The following CDC25A variants were observed in gnomAD, a reference collection of about 807,000 sequenced individuals.
The protein encoded by CDC25A is M-phase inducer phosphatase 1.
In CDC25A, 17 loss-of-function variants were observed where a neutral mutation model predicts 64.6. The ratio of observed to expected loss-of-function variants is 0.26; its 90% confidence interval spans 0.18 to 0.39. The LOEUF (loss-of-function observed/expected upper bound fraction) is 0.39. CDC25A is among the 10% of genes least tolerant of loss of function. The probability of loss-of-function intolerance (pLI) is 1.00; values close to 1 mark genes in which losing one functional copy is unlikely to be tolerated. For synonymous variants in CDC25A, 229 were observed against 238.6 expected, an observed-to-expected ratio of 0.96 and a Z score of 0.37; for missense variants, 473 against 654.8, an observed-to-expected ratio of 0.72 and a Z score of 3.03.
intron 6 of CDC25A, among the ~76,000 whole-genome samples, chr3:48,179,076 T>C (rs897766466): frequency 2.0e-5 from 3 of 152,208 alleles, no homozygotes; most frequent in Non-Finnish European, 4.4e-5. Context: ...TCTCTGCAGC[T>C]GGCCTATTCT....
At chr3:48,166,021 A>C (rs988831264) in intron 10 of CDC25A, 128 bp from the exon 11 acceptor site, 1 of 692,598 alleles carries the variant, frequency 1.4e-6, no homozygotes, top group Non-Finnish European at 2.5e-6. Flanking sequence ...ACGGTGGCTC[A>C]CACCTGTAAT....
intron 8 of CDC25A, among the ~76,000 whole-genome samples, chr3:48,176,517 ATGTGTGTG>A: frequency 9.0e-6 from 1 of 110,536 alleles, no homozygotes; most frequent in African/African-American, 3.4e-5. Context: ...TATACTGTGT[ATGTGTGTG>A]TGTGAGTATA....
At chr3:48,175,440 C>T (rs534569572) in intron 8 of CDC25A, among the ~76,000 whole-genome samples, 51 of 152,344 alleles carry the variant, frequency 3.3e-4, no homozygotes, top group Admixed American at 2.0e-3. Context: ...TCCTTCTGCA[C>T]AGAATGTCCT....
chr3:48,174,331 A>C lies in CDC25A; in HGVS notation c.883T>G (p.Ser295Ala). The C allele has an allele frequency of 6.2e-7, 1 of 1,614,224 alleles. No individual in the cohort carries two copies. Among genetic ancestry groups the C allele is most frequent in the Non-Finnish European group, 8.5e-7 (1 of 1,180,024 alleles). The change falls in exon 9 of 15, where the codon TCT becomes GCT. Residue 295 changes from serine to alanine, a missense_variant. Physicochemically the swap from Ser to Ala is moderately conservative, Grantham distance 99. Transcript: ENST00000302506. ...PGSTKRRKSM[S>A]GASPKESTNP... is the part of the protein sequence containing the mutation. ...GTTGACTCTTTGGGGCTGGCCCCAG[A>C]CATGCTCTTCCTCCTCTTTGTACTT...
rs75863657 is a variant in CDC25A, at chr3:48,170,733, T to A, written c.931-2789A>T. 2.5e-3 allele frequency among the ~76,000 whole-genome samples: 382 copies of A among 152,348 alleles called. 1 individual carries two copies. Among genetic ancestry groups the A allele is most frequent in the African/African-American group, 8.5e-3 (353 of 41,582 alleles). ...GGCTGAAAGTTCCAACCTCTAATCA[T>A]GTCTCTGTCTTTCCAGTGACCAGTC... On this transcript the variant is annotated intron_variant, in intron 9 of 14. Coordinates refer to ENST00000302506, the MANE Select transcript of CDC25A (RefSeq NM_001789.3).
chr3:48,174,541 T>C (rs2032388360), intron 8 of CDC25A, 84 bp from the exon 9 acceptor site: 6 of 1,337,896 alleles, frequency 4.5e-6, no homozygotes, highest in African/African-American at 1.5e-5. Flanking sequence ...GAAGGTTTCC[T>C]GGGATGATCT....
chr3:48,183,925 T>TG, intron 3 of CDC25A, 89 bp from the exon 4 acceptor site: 1 of 780,944 alleles, frequency 1.3e-6, no homozygotes, highest in East Asian at 2.6e-5. Context: ...GCCTGTAGCT[T>TG]GGGGGTACAG....
chr3:48,164,271 C>G, intron 13 of CDC25A, 36 bp downstream of exon 13: 1 of 1,472,808 alleles, frequency 6.8e-7, no homozygotes, highest in Non-Finnish European at 9.0e-7. Flanking sequence ...CATCATGGAG[C>G]CTGTGCCCCA....
intron 13 of CDC25A, among the ~76,000 whole-genome samples, chr3:48,163,140 G>A (rs1179019962): frequency 2.6e-5 from 4 of 151,022 alleles, no homozygotes; most frequent in African/African-American, 7.3e-5. Flanking sequence ...AAAATTAGCC[G>A]GGTGTGGTGG....
intron 9 of CDC25A, among the ~76,000 whole-genome samples, chr3:48,170,089 C>CAA (rs1309523136): frequency 6.6e-6 from 1 of 152,012 alleles, no homozygotes; most frequent in Admixed American, 6.6e-5. Flanking sequence ...CCCACAAACT[C>CAA]AAAGTGATTT....
rs776004127 is a variant in CDC25A, at chr3:48,167,915, A to G, written c.960T>C (p.Ser320=). 7.5e-6 allele frequency: 12 copies of G among 1,609,590 alleles called. No individual in the cohort carries two copies. Among genetic ancestry groups the G allele is most frequent in the Non-Finnish European group, 1.0e-5 (12 of 1,175,900 alleles). ...ETLHQSLSLA[S]SPKGTIENIL... is the part of the protein sequence containing the mutation. ...TGTTCTCAATGGTTCCTTTGGGGGA[A>G]GATGCCAGGGATAAAGACTGATGAA... The change falls in exon 10 of 15, where the codon TCT becomes TCC. Residue 320 remains serine (S), a synonymous_variant. Coordinates refer to ENST00000302506, the MANE Select transcript of CDC25A (RefSeq NM_001789.3).
At chr3:48,181,825 A>T in intron 5 of CDC25A, 1 of 612,392 alleles carries the variant, frequency 1.6e-6, no homozygotes, top group Non-Finnish European at 2.9e-6. Flanking sequence ...GGCTAATATT[A>T]CAGTGATTTC....
chr3:48,176,531 G>GTATA (rs55938075), intron 8 of CDC25A, among the ~76,000 whole-genome samples: 5,904 of 137,922 alleles, frequency 0.043, 159 homozygotes, highest in South Asian at 0.071. Flanking sequence ...GTGTGTGTGA[G>GTATA]TATATATATA....
At chr3:48,172,774 G>A (rs1185564361) in intron 9 of CDC25A, among the ~76,000 whole-genome samples, 1 of 152,198 alleles carries the variant, frequency 6.6e-6, no homozygotes, top group African/African-American at 2.4e-5. Context: ...TGAGGTGGGA[G>A]GACTGCTTGA....
At position 48,188,024 on chromosome 3, in the gene CDC25A, G is replaced by C; in HGVS notation, c.-77C>G. On this transcript the variant is annotated 5_prime_UTR_variant, in exon 1 of 15. Coordinates refer to ENST00000302506, the MANE Select transcript of CDC25A (RefSeq NM_001789.3). ...GCGACCGCCCCGCCCCGCCGACACC[G>C]GCCTCGGCCGCGCGCCACCGGCGCC... 8.4e-7 allele frequency: 1 copy of C among 1,192,682 alleles called. No homozygotes were observed. 73.9% of individuals were successfully genotyped at this position (1,192,682 alleles called of 1,614,324 possible). A position where few individuals can be genotyped will look rare whatever the true frequency, so the allele number is the denominator to read the frequency against.
chr3:48,164,408 C>A lies in CDC25A; in HGVS notation c.1221G>T (p.Glu407Asp). Residue 407 changes from glutamate (E) to aspartate (D), a missense_variant, in exon 13 of 15, where the codon GAG becomes GAT. Glu to Asp is a conservative substitution (Grantham distance 45). Coordinates refer to ENST00000302506, the MANE Select transcript of CDC25A (RefSeq NM_001789.3). Reference sequence around the variant, plus strand: ...GCTTCTTCAATAAGAAGTCTTCAACCTCTTCTTCCATGTGCAAGTTCACTG... The same window carrying A: ...GCTTCTTCAATAAGAAGTCTTCAACATCTTCTTCCATGTGCAAGTTCACTG... The part of the protein sequence containing the change: ...KGAVNLHMEE[E>D]VEDFLLKKPI... 6.3e-7 allele frequency: 1 copy of A among 1,596,806 alleles called. No homozygotes were observed. Among genetic ancestry groups the A allele is most frequent in the Non-Finnish European group, 8.5e-7 (1 of 1,173,592 alleles).
intron 9 of CDC25A, among the ~76,000 whole-genome samples, chr3:48,170,461 A>G (rs2032225877): frequency 6.6e-6 from 1 of 152,208 alleles, no homozygotes; most frequent in Non-Finnish European, 1.5e-5. Context: ...AAGGATATTC[A>G]AAGGATATAG....
chr3:48,183,034 T>C lies in CDC25A; in HGVS notation c.328-4A>G. 5 of 1,597,474 alleles carry C rather than the reference T, an allele frequency of 3.1e-6. No individual in the cohort carries two copies. The highest frequency in any genetic ancestry group is 1.7e-4 in the Middle Eastern group (1 of 6,038). On this transcript the variant is annotated splice_polypyrimidine_tract_variant and splice_region_variant and intron_variant, in intron 4 of 14. Coordinates refer to ENST00000302506, the MANE Select transcript of CDC25A (RefSeq NM_001789.3). ...GACTACATCCCAACAGCTTCTGCTA[T>C]CAAAGTAAAAAAGGAAAATAATTAA...
At chr3:48,173,685 T>G (rs1248874932) in intron 9 of CDC25A, among the ~76,000 whole-genome samples, 1 of 152,150 alleles carries the variant, frequency 6.6e-6, no homozygotes, top group Non-Finnish European at 1.5e-5. Flanking sequence ...CCACCCAAGG[T>G]GTCAATGGAG....
Sources: allele counts gnomAD v4.1 joint callset (sites outside exome capture counted in the v4.1 genomes callset), GRCh38; gene constraint gnomAD v4.1.1; transcripts MANE v1.5; gene names NCBI Gene and HGNC (gene_info 2026-07-23, HGNC 2026-07-21).